Variants in NTNG2 observed in about 807,000 individuals in gnomAD.
NTNG2 encodes netrin G2, also known as netrin-G2.
Under a neutral mutation model 47.6 loss-of-function variants are expected in NTNG2, and 15 were observed. The ratio of observed to expected loss-of-function variants is 0.32; its 90% confidence interval spans 0.21 to 0.49. NTNG2 has a LOEUF of 0.49. NTNG2 is among the 20% of genes least tolerant of loss of function. NTNG2 has a pLI of 0.99. For missense variants in NTNG2, 578 were observed against 764.6 expected, an observed-to-expected ratio of 0.76 and a Z score of 2.88; for synonymous variants, 307 against 324.6, an observed-to-expected ratio of 0.95 and a Z score of 0.58.
chr9:132,239,954 T>G (rs762564), intron 6 of NTNG2, among the ~76,000 whole-genome samples: 1 of 152,254 alleles, frequency 6.6e-6, no homozygotes. Flanking sequence ...GGACTGGCTT[T>G]TGGGTAGAGA....
chr9:132,172,963 T>C (rs889726719), intron 2 of NTNG2, among the ~76,000 whole-genome samples: 2 of 152,038 alleles, frequency 1.3e-5, no homozygotes, highest in Admixed American at 6.6e-5. Context: ...TCTCCTGACC[T>C]CGTGATCCAC....
chr9:132,230,528 C>G, intron 4 of NTNG2, 44 bp from the exon 5 acceptor site: 1 of 1,579,634 alleles, frequency 6.3e-7, no homozygotes, highest in Non-Finnish European at 8.6e-7. Flanking sequence ...CACCCAGGCC[C>G]CTTCCCCTGG....
chr9:132,224,220 C>T (rs1314495214), intron 3 of NTNG2, among the ~76,000 whole-genome samples: 1 of 152,110 alleles, frequency 6.6e-6, no homozygotes, highest in Non-Finnish European at 1.5e-5. Context: ...GCAGATAGTA[C>T]AGAAAGTTCC....
chr9:132,219,669 T>TC (rs2130887711), intron 3 of NTNG2, among the ~76,000 whole-genome samples: 1 of 152,314 alleles, frequency 6.6e-6, no homozygotes, highest in African/African-American at 2.4e-5. Flanking sequence ...TTTTCAAGGT[T>TC]CTTCCATGTC....
chr9:132,177,580 G>A (rs1362301214), intron 2 of NTNG2, among the ~76,000 whole-genome samples: 1 of 152,128 alleles, frequency 6.6e-6, no homozygotes, highest in Admixed American at 6.6e-5. Flanking sequence ...AAATGTTCTT[G>A]GCAACCTTGT....
chr9:132,241,539 A>G, intron 7 of NTNG2: 3 of 358,370 alleles, frequency 8.4e-6, no homozygotes, highest in Non-Finnish European at 1.5e-5. Context: ...AGGCTGTCCA[A>G]GTCGGCGTTA....
In NTNG2 at chr9:132,226,941, G is replaced by A. The variant is rs1310629776; in HGVS notation, c.950G>A (p.Gly317Asp). 6.2e-7 allele frequency: 1 copy of A among 1,612,804 alleles called. No homozygotes were observed. Among genetic ancestry groups the A allele is most frequent in the Non-Finnish European group, 8.5e-7 (1 of 1,179,804 alleles). The change falls in exon 4 of 8, where the codon GGC becomes GAC. Residue 317 changes from glycine to aspartate, a missense_variant. Transcript: ENST00000393229. The surrounding 1 kb of genome is among the most constrained non-coding windows in gnomAD (Gnocchi z 4.8). ...CEHNTTGPDC[G>D]KCKKNFRTRS... Reference sequence around the variant, plus strand: ...CACAACACCACCGGCCCCGACTGCGGCAAGTGCAAGAAGAATTTCCGCACC... The same window carrying A: ...CACAACACCACCGGCCCCGACTGCGACAAGTGCAAGAAGAATTTCCGCACC...
At chr9:132,214,231 C>A (rs533939964) in intron 3 of NTNG2, among the ~76,000 whole-genome samples, 1 of 152,250 alleles carries the variant, frequency 6.6e-6, no homozygotes, top group East Asian at 1.9e-4. Context: ...ACTCTCCAAA[C>A]CCCCCGCTCC....
At chr9:132,201,705 A>G (rs1258564048) in intron 3 of NTNG2, among the ~76,000 whole-genome samples, 3 of 152,214 alleles carry the variant, frequency 2.0e-5, no homozygotes. Flanking sequence ...ACGTTTATCG[A>G]GCATTTGCTA....
chr9:132,216,711 T>G (rs547770154), intron 3 of NTNG2, among the ~76,000 whole-genome samples: 15 of 152,246 alleles, frequency 9.9e-5, no homozygotes, highest in African/African-American at 3.4e-4. Context: ...TGATGGTTCC[T>G]GAGGGTCAAA....
At chr9:132,213,848 A>G (rs542759762) in intron 3 of NTNG2, among the ~76,000 whole-genome samples, 4 of 152,304 alleles carry the variant, frequency 2.6e-5, no homozygotes, top group Admixed American at 6.5e-5. Flanking sequence ...AGTATACACG[A>G]CATGTAATAA....
In NTNG2 at chr9:132,220,284, C is replaced by T. The variant is rs544770459; in HGVS notation, c.858-6565C>T. Among the ~76,000 whole-genome samples the T allele has an allele frequency of 3.9e-5, 6 of 152,258 alleles. No individual in the cohort carries two copies. In the South Asian group the frequency reaches 1.2e-3, roughly 32 times the overall value. On this transcript the variant is annotated intron_variant, in intron 3 of 7. Coordinates refer to ENST00000393229, the MANE Select transcript of NTNG2 (RefSeq NM_032536.4). Reference sequence around the variant, plus strand: ...ATGACTTGCAAATTTTTCTCCCATTCTGTGGGTTGTCTTTTCACTTTCCTG... The same window carrying T: ...ATGACTTGCAAATTTTTCTCCCATTTTGTGGGTTGTCTTTTCACTTTCCTG...
At chr9:132,217,648 C>G (rs1460242541) in intron 3 of NTNG2, among the ~76,000 whole-genome samples, 1 of 152,214 alleles carries the variant, frequency 6.6e-6, no homozygotes, top group Non-Finnish European at 1.5e-5. Flanking sequence ...AAATGGAAAA[C>G]TGGCATGTCC....
chr9:132,221,127 T>G lies in NTNG2; in HGVS notation c.858-5722T>G, dbSNP rs1564430129. Among the ~76,000 whole-genome samples, 1 of 152,144 alleles carries G rather than the reference T, an allele frequency of 6.6e-6. No individual in the cohort carries two copies. Among genetic ancestry groups the G allele is most frequent in the Non-Finnish European group, 1.5e-5 (1 of 68,032 alleles). ...TGGGGAGGGAGAGTGTAGCAGGGGC[T>G]GATTTGAGGTAGGGGTTGTGAAAGG... On this transcript the variant is annotated intron_variant, in intron 3 of 7. Transcript: ENST00000393229. This position sits in a 1 kb window ranked among gnomAD's most constrained non-coding sequence, Gnocchi z 4.2.
At chr9:132,241,703 CG>C (rs896011781) in intron 7 of NTNG2, among the ~76,000 whole-genome samples, 172 bp from the exon 8 acceptor site, 2 of 152,138 alleles carry the variant, frequency 1.3e-5, no homozygotes, top group African/African-American at 4.8e-5. Context: ...AGATCTCGCC[CG>C]GGCGCCGTCA....
chr9:132,190,668 C>A (rs1297811523), intron 2 of NTNG2, among the ~76,000 whole-genome samples: 1 of 152,232 alleles, frequency 6.6e-6, no homozygotes, highest in East Asian at 1.9e-4. Context: ...ACAACCTGGC[C>A]TCTGACTTTG....
At chr9:132,233,805 C>G (rs1464997983) in intron 5 of NTNG2, 1 of 152,158 alleles carries the variant, frequency 6.6e-6, no homozygotes, top group Non-Finnish European at 1.5e-5. Context: ...TGTTATTTTC[C>G]TAGTCCCACA....
chr9:132,202,635 G>A (rs1046122440), intron 3 of NTNG2, among the ~76,000 whole-genome samples: 3 of 152,368 alleles, frequency 2.0e-5, no homozygotes, highest in East Asian at 1.9e-4. Flanking sequence ...GATTTGAGGA[G>A]GAATGAGATC....
intron 3 of NTNG2, among the ~76,000 whole-genome samples, chr9:132,223,656 T>C (rs1304025749): frequency 6.6e-6 from 1 of 151,828 alleles, no homozygotes; most frequent in Non-Finnish European, 1.5e-5. Flanking sequence ...GGTGACAGAG[T>C]GAGACTCTGT....
Sources: allele counts gnomAD v4.1 joint callset (sites outside exome capture counted in the v4.1 genomes callset), GRCh38; gene constraint gnomAD v4.1.1; non-coding constraint Gnocchi (gnomAD v3.1); transcripts MANE v1.5; gene names NCBI Gene and HGNC (gene_info 2026-07-23, HGNC 2026-07-21).